SLC38A12: variants seen among roughly 807,000 people sequenced by gnomAD.
SLC38A12 encodes putative sodium-coupled neutral amino acid transporter 12.
chr17:74,828,823 G>A, the SLC38A12 span, among the ~76,000 whole-genome samples: 4 of 152,158 alleles, frequency 2.6e-5, no homozygotes. Flanking sequence ...GACAGGGTTA[G>A]AGTGAGGAGT....
chr17:74,801,298 G>A, the SLC38A12 span, among the ~76,000 whole-genome samples: 5 of 152,290 alleles, frequency 3.3e-5, no homozygotes, highest in East Asian at 3.9e-4. Context: ...AGAGATGTCC[G>A]TCACACCTGG....
the SLC38A12 span, among the ~76,000 whole-genome samples, chr17:74,825,759 T>C: frequency 3.3e-5 from 5 of 152,160 alleles, no homozygotes; most frequent in Non-Finnish European, 4.4e-5. Context: ...GTGGGTCGAG[T>C]CTGACCCGAC....
At chr17:74,821,214 A>G in the SLC38A12 span, among the ~76,000 whole-genome samples, 1 of 152,150 alleles carries the variant, frequency 6.6e-6, no homozygotes, top group Non-Finnish European at 1.5e-5. Context: ...TTGCAAGGAG[A>G]TGAGAGCAGG....
the SLC38A12 span, among the ~76,000 whole-genome samples, chr17:74,788,037 A>C: frequency 6.6e-6 from 1 of 151,868 alleles, no homozygotes; most frequent in East Asian, 1.9e-4. Context: ...CTTGTGATCC[A>C]CCCACCTCAA....
At chr17:74,802,007 G>C in the SLC38A12 span, among the ~76,000 whole-genome samples, 1 of 151,960 alleles carries the variant, frequency 6.6e-6, no homozygotes, top group African/African-American at 2.4e-5. Context: ...CGCCACTGCT[G>C]CTCCTGTCTG....
At chr17:74,826,126 C>T in the SLC38A12 span, among the ~76,000 whole-genome samples, 2 of 152,234 alleles carry the variant, frequency 1.3e-5, no homozygotes, top group Non-Finnish European at 2.9e-5. Flanking sequence ...AATGATTGCA[C>T]ACTGAGCTTG....
At chr17:74,788,684 TGGTCTG>T in the SLC38A12 span, 3 of 848,648 alleles carry the variant, frequency 3.5e-6, no homozygotes, top group Non-Finnish European at 5.5e-6. Context: ...GAAAAGAGAA[TGGTCTG>T]GGCTGGTGGG....
the SLC38A12 span, among the ~76,000 whole-genome samples, chr17:74,829,700 A>G: frequency 6.6e-6 from 1 of 151,980 alleles, no homozygotes; most frequent in Non-Finnish European, 1.5e-5. The surrounding 1 kb of genome is among the most constrained non-coding windows in gnomAD (Gnocchi z 4.1). Context: ...GGAAAGCTTC[A>G]TGTGTGCCCC....
At chr17:74,829,558 T>C in the SLC38A12 span, among the ~76,000 whole-genome samples, 2 of 152,266 alleles carry the variant, frequency 1.3e-5, no homozygotes, top group South Asian at 4.1e-4. The surrounding 1 kb of genome is among the most constrained non-coding windows in gnomAD (Gnocchi z 4.1). Flanking sequence ...GTTGCCACCT[T>C]CAGGGAGAGC....
chr17:74,836,517 C>CTG, the SLC38A12 span: 1 of 1,612,800 alleles, frequency 6.2e-7, no homozygotes, highest in Non-Finnish European at 8.5e-7. This position sits in a 1 kb window ranked among gnomAD's most constrained non-coding sequence, Gnocchi z 4.2. Flanking sequence ...CCCCGCCTTC[C>CTG]TGGTGTACCA....
At chr17:74,836,218 A>G in the SLC38A12 span, 2 of 1,610,452 alleles carry the variant, frequency 1.2e-6, no homozygotes, top group South Asian at 1.1e-5. This position sits in a 1 kb window ranked among gnomAD's most constrained non-coding sequence, Gnocchi z 4.2. Flanking sequence ...TACACCCTCA[A>G]CTTCGCGCGC....
chr17:74,838,226 TC>T, the SLC38A12 span: 1 of 985,692 alleles, frequency 1.0e-6, no homozygotes, highest in Non-Finnish European at 1.2e-6. Flanking sequence ...TCATAGCTTG[TC>T]CCCACGTGTC....
the SLC38A12 span, among the ~76,000 whole-genome samples, chr17:74,796,180 G>A: frequency 2.0e-5 from 3 of 152,296 alleles, no homozygotes; most frequent in South Asian, 6.2e-4. Flanking sequence ...TTGGTGGGGG[G>A]CAGGGAGCTG....
the SLC38A12 span, among the ~76,000 whole-genome samples, chr17:74,791,715 G>A: frequency 6.6e-6 from 1 of 152,376 alleles, no homozygotes; most frequent in East Asian, 1.9e-4. Context: ...CCTGAAGTGT[G>A]CTGGTGAACC....
the SLC38A12 span, among the ~76,000 whole-genome samples, chr17:74,808,793 G>A: frequency 2.0e-5 from 3 of 152,204 alleles, no homozygotes; most frequent in Non-Finnish European, 4.4e-5. Context: ...GGTGGAGTTT[G>A]CTGCCTGGGG....
the SLC38A12 span, among the ~76,000 whole-genome samples, chr17:74,831,492 A>G: frequency 6.6e-6 from 1 of 152,080 alleles, no homozygotes; most frequent in Admixed American, 6.5e-5. Context: ...TCCCCTTGTC[A>G]TTTTGTAGCT....
the SLC38A12 span, among the ~76,000 whole-genome samples, chr17:74,817,674 C>T: frequency 1.4e-4 from 22 of 152,270 alleles, no homozygotes; most frequent in East Asian, 2.5e-3. Context: ...AAGCATCTGC[C>T]GAGGACAGGA....
the SLC38A12 span, chr17:74,785,414 C>T: frequency 4.5e-6 from 7 of 1,570,036 alleles, no homozygotes; most frequent in African/African-American, 8.1e-5. Flanking sequence ...CAGGGTCGTT[C>T]CTTGGGAGCT....
chr17:74,778,210 C>T, the SLC38A12 span, among the ~76,000 whole-genome samples: 1 of 152,222 alleles, frequency 6.6e-6, no homozygotes, highest in African/African-American at 2.4e-5. Context: ...CTGCCCCCAA[C>T]ACACACGCAG....
Sources: allele counts gnomAD v4.1 joint callset (sites outside exome capture counted in the v4.1 genomes callset), GRCh38; gene constraint gnomAD v4.1.1; non-coding constraint Gnocchi (gnomAD v3.1); transcripts MANE v1.5; gene names NCBI Gene and HGNC (gene_info 2026-07-23, HGNC 2026-07-21).